GPR157: variants seen among roughly 807,000 people sequenced by gnomAD.
GPR157 encodes the protein G-protein coupled receptor 157.
Under a neutral mutation model 23.5 loss-of-function variants are expected in GPR157, and 16 were observed. The ratio of observed to expected loss-of-function variants is 0.68; its 90% confidence interval spans 0.46 to 1.04. The LOEUF (loss-of-function observed/expected upper bound fraction) is 1.04. GPR157 is among the 50% of genes least tolerant of loss of function. The probability of loss-of-function intolerance (pLI) is 0.00; values close to 1 mark genes in which losing one functional copy is unlikely to be tolerated. For synonymous variants in GPR157, 200 were observed against 221.5 expected, an observed-to-expected ratio of 0.90 and a Z score of 0.86; for missense variants, 440 against 460.7, an observed-to-expected ratio of 0.96 and a Z score of 0.41.
Position 9,102,938 on chromosome 1 carries a change from G to A in GPR157, c.*1481C>T, listed in dbSNP as rs1288396268. Reference sequence around the variant, plus strand: ...TTTGTTTTTTTCTTTTTTTGAGACAGGGTCCTGCTGTTGCCCAGGCTGGAG... The same window carrying A: ...TTTGTTTTTTTCTTTTTTTGAGACAAGGTCCTGCTGTTGCCCAGGCTGGAG... On this transcript the variant is annotated 3_prime_UTR_variant, in exon 4 of 4. Coordinates refer to ENST00000377411, the MANE Select transcript of GPR157 (RefSeq NM_024980.5). 2 of 151,816 alleles carry A rather than the reference G, an allele frequency of 1.3e-5. No individual in the cohort carries two copies. Among genetic ancestry groups the A allele is most frequent in the African/African-American group, 4.8e-5 (2 of 41,316 alleles). 9.4% of individuals were successfully genotyped at this position (151,816 alleles called of 1,614,324 possible).
intron 2 of GPR157, among the ~76,000 whole-genome samples, chr1:9,109,006 G>A (rs1042321769): frequency 1.3e-5 from 2 of 151,026 alleles, no homozygotes; most frequent in Admixed American, 1.3e-4. Context: ...TCGATCTCCC[G>A]ACCTCGTGAT....
rs1027287270 is a variant in GPR157 at position 9,105,253 on chromosome 1, T to A, written c.792+233A>T. Among the ~76,000 whole-genome samples the A allele has an allele frequency of 6.6e-6, 1 of 152,008 alleles. No homozygotes were observed. The highest frequency in any genetic ancestry group is 1.5e-5 in the Non-Finnish European group (1 of 67,980). On this transcript the variant is annotated intron_variant, in intron 3 of 3. Transcript: ENST00000377411. This position sits in a 1 kb window ranked among gnomAD's most constrained non-coding sequence, Gnocchi z 4.8. ...GATCAGTCAACTCTCCTAGGGCTAC[T>A]CCTAGGTCACTGGTGAGCACCTCAC... is the stretch of plus-strand genomic sequence containing the variant.
At chr1:9,107,929 A>C (rs898664739) in intron 2 of GPR157, among the ~76,000 whole-genome samples, 1 of 152,104 alleles carries the variant, frequency 6.6e-6, no homozygotes, top group Admixed American at 6.5e-5. Context: ...TCTGCCTTAA[A>C]AACAAAAACA....
rs142306389 is a variant in GPR157, at chr1:9,104,506, C to T, written c.921G>A (p.Pro307=). Residue 307 remains proline, a synonymous_variant, in exon 4 of 4, where the codon CCG becomes CCA. Coordinates refer to ENST00000377411, the MANE Select transcript of GPR157 (RefSeq NM_024980.5). The part of the protein sequence containing the change: ...CCSSQPPTKS[P]AGTPKAPAPS... ...GCGCGGGAGCCTTGGGAGTGCCAGC[C>T]GGGCTCTTGGTGGGAGGCTGAGAAG... 6.0e-4 allele frequency: 972 copies of T among 1,613,756 alleles called. 2 individuals are homozygous for T. In the African/African-American group the frequency reaches 0.011, roughly 17 times the overall value.
At position 9,129,043 on chromosome 1, in the gene GPR157, GAGCCGGAGCGCCGCGAGGACAGA is replaced by G; in HGVS notation, c.-39_-17del. ...ACGGCTGCATGGCGTGGGGGGCCAG[GAGCCGGAGCGCCGCGAGGACAGA>G]AGCCGGGCCGCGCGTGCGGCCACGC... is the stretch of plus-strand genomic sequence containing the variant. On this transcript the variant is annotated 5_prime_UTR_variant, in exon 1 of 4. Transcript: ENST00000377411. The G allele has an allele frequency of 8.0e-7, 1 of 1,251,366 alleles. No individual in the cohort carries two copies. The highest frequency in any genetic ancestry group is 1.0e-6 in the Non-Finnish European group (1 of 1,000,230). 77.5% of individuals were successfully genotyped at this position (1,251,366 alleles called of 1,614,324 possible).
rs751081017 is a variant in GPR157 at position 9,111,354 on chromosome 1, C to T, written c.519G>A (p.Thr173=). The part of the protein sequence containing the change: ...AKDHVLWMLL[T]GKLWEMLAYV... Reference sequence around the variant, plus strand: ...ATGCCAGCATCTCCCACAGCTTCCCCGTCAGCAGCATCCACAGGACATGGT... The same window carrying T: ...ATGCCAGCATCTCCCACAGCTTCCCTGTCAGCAGCATCCACAGGACATGGT... Residue 173 remains threonine, a synonymous_variant, in exon 2 of 4, where the codon ACG becomes ACA. Coordinates refer to ENST00000377411, the MANE Select transcript of GPR157 (RefSeq NM_024980.5). 73 of 1,614,086 alleles carry T rather than the reference C, an allele frequency of 4.5e-5. No homozygotes were observed. The highest frequency in any genetic ancestry group is 4.0e-4 in the African/African-American group (30 of 74,920).
In GPR157 at chr1:9,128,657, A is replaced by C; in HGVS notation, c.371T>G (p.Phe124Cys). ...CACCGCCACCCACCTGACGACATGG[A>C]AGGCCCAAAGCAGGCGATCTGTGCG... is the stretch of plus-strand genomic sequence containing the variant. Reference protein sequence around the residue: ...GPRTDRLLWAFHVVSWGVPLV... With the variant: ...GPRTDRLLWACHVVSWGVPLV... Residue 124 changes from phenylalanine (F) to cysteine (C), a missense_variant, in exon 1 of 4, where the codon TTC (phenylalanine) becomes TGC (cysteine). By Grantham distance (205) the Phe-to-Cys change is radical (BLOSUM62 -2). Coordinates refer to ENST00000377411, the MANE Select transcript of GPR157 (RefSeq NM_024980.5). The surrounding 1 kb of genome is among the most constrained non-coding windows in gnomAD (Gnocchi z 6.3). 6.2e-7 allele frequency: 1 copy of C among 1,612,982 alleles called. No homozygotes were observed. The highest frequency in any genetic ancestry group is 8.5e-7 in the Non-Finnish European group (1 of 1,179,868).
Position 9,120,603 on chromosome 1 carries a change from AGGGAG to A in GPR157, c.383+8037_383+8041del, listed in dbSNP as rs1638778386. On this transcript the variant is annotated intron_variant, in intron 1 of 3. Coordinates refer to ENST00000377411, the MANE Select transcript of GPR157 (RefSeq NM_024980.5). This position sits in a 1 kb window ranked among gnomAD's most constrained non-coding sequence, Gnocchi z 4.1. ...AAGGGTCAGGACTTGGGAGAAGTTC[AGGGAG>A]TCAGCCCCTAGGCCAGGCTACCACG... Among the ~76,000 whole-genome samples the A allele has an allele frequency of 6.6e-6, 1 of 152,182 alleles. No homozygotes were observed. Among genetic ancestry groups the A allele is most frequent in the Admixed American group, 6.5e-5 (1 of 15,274 alleles).
rs1354003156 is a variant in GPR157, at chr1:9,128,588, C to T, written c.383+57G>A. 4.5e-6 allele frequency: 7 copies of T among 1,544,934 alleles called. No individual in the cohort carries two copies. The highest frequency in any genetic ancestry group is 6.2e-6 in the Non-Finnish European group (7 of 1,124,668). On this transcript the variant is annotated intron_variant, in intron 1 of 3. Transcript: ENST00000377411. The surrounding 1 kb of genome is among the most constrained non-coding windows in gnomAD (Gnocchi z 6.3). ...GACGCGGCCTCTGGGAGGGCAAGAC[C>T]GGGAGGGGTCGGCCTGTGTCGGGGG...
In GPR157 at chr1:9,104,708, A is replaced by C; in HGVS notation, c.793-74T>G. ...AAACACACGCGCTGTTGCAATTAAGAGAAACGGCTAGGCTGGGTGCGGTGG... is the reference window on the plus strand; with the variant it reads ...AAACACACGCGCTGTTGCAATTAAGCGAAACGGCTAGGCTGGGTGCGGTGG... On this transcript the variant is annotated intron_variant, in intron 3 of 3. Coordinates refer to ENST00000377411, the MANE Select transcript of GPR157 (RefSeq NM_024980.5). The C allele has an allele frequency of 7.0e-6, 8 of 1,134,760 alleles. 1 individual carries two copies. Among genetic ancestry groups the C allele is most frequent in the South Asian group, 5.9e-5 (4 of 68,210 alleles). 70.3% of individuals were successfully genotyped at this position (1,134,760 alleles called of 1,614,324 possible).
At chr1:9,111,057 G>T (rs932802815) in intron 2 of GPR157, 1 of 607,626 alleles carries the variant, frequency 1.6e-6, no homozygotes, top group South Asian at 1.8e-5. Context: ...AACAGGACCC[G>T]GCTCCTAACG....
chr1:9,123,318 AAAAT>A (rs1557700801), intron 1 of GPR157, among the ~76,000 whole-genome samples: 11 of 23,822 alleles, frequency 4.6e-4, no homozygotes, highest in East Asian at 2.6e-3. Context: ...AATATATATT[AAAAT>A]ATATATATTT....
At position 9,128,540 on chromosome 1, in the gene GPR157, G is replaced by A. The variant is rs1639014947; in HGVS notation, c.383+105C>T. On this transcript the variant is annotated intron_variant, in intron 1 of 3. Transcript: ENST00000377411. The surrounding 1 kb of genome is among the most constrained non-coding windows in gnomAD (Gnocchi z 6.3). ...GGGGCGCCAGCAGGCACTGCTTGCT[G>A]TGGGTAGGGGGTGTCCAACCTAGAC... 4 of 1,090,310 alleles carry A rather than the reference G, an allele frequency of 3.7e-6. No individual in the cohort carries two copies. Among genetic ancestry groups the A allele is most frequent in the Non-Finnish European group, 5.4e-6 (4 of 738,514 alleles). The allele number at this position is 1,090,310 out of a possible 1,614,324, so 67.5% of individuals were successfully genotyped here.
chr1:9,123,480 T>A (rs1295876267), intron 1 of GPR157, among the ~76,000 whole-genome samples: 3 of 114,722 alleles, frequency 2.6e-5, no homozygotes, highest in African/African-American at 1.1e-4. Flanking sequence ...AAATATATAT[T>A]TTAAAAATAT....
At chr1:9,111,530 T>C in intron 1 of GPR157, 41 bp from the exon 2 acceptor site, 3 of 1,551,362 alleles carry the variant, frequency 1.9e-6, no homozygotes, top group East Asian at 2.3e-5. Flanking sequence ...GGTCAGGCCA[T>C]GGCTCCCGGC....
At chr1:9,108,892 T>C (rs1298965703) in intron 2 of GPR157, among the ~76,000 whole-genome samples, 6 of 151,834 alleles carry the variant, frequency 4.0e-5, no homozygotes, top group Non-Finnish European at 8.8e-5. Flanking sequence ...TTCACACCAT[T>C]CTCCTACCTC....
At chr1:9,108,789 C>T (rs919635348) in intron 2 of GPR157, among the ~76,000 whole-genome samples, 2 of 94,444 alleles carry the variant, frequency 2.1e-5, no homozygotes, top group African/African-American at 1.1e-4. Context: ...ACCAGCACAC[C>T]AGCTAATTTT....
At position 9,105,005 on chromosome 1, in the gene GPR157, C is replaced by A. The variant is rs914370749; in HGVS notation, c.793-371G>T. Among the ~76,000 whole-genome samples, 75 of 140,674 alleles carry A rather than the reference C, an allele frequency of 5.3e-4. 1 individual carries two copies. The highest frequency in any genetic ancestry group is 2.0e-3 in the African/African-American group (71 of 35,676). 92.3% of individuals were successfully genotyped at this position (140,674 alleles called of 152,430 possible). ...ACAAAGCCAGACTCTGTCCCCGCAC[C>A]CCCCCCCAAAAAAGAGAAATGGCTG... On this transcript the variant is annotated intron_variant, in intron 3 of 3. Coordinates refer to ENST00000377411, the MANE Select transcript of GPR157 (RefSeq NM_024980.5). The surrounding 1 kb of genome is among the most constrained non-coding windows in gnomAD (Gnocchi z 4.8).
At chr1:9,110,078 C>A (rs1332205282) in intron 2 of GPR157, among the ~76,000 whole-genome samples, 1 of 152,202 alleles carries the variant, frequency 6.6e-6, no homozygotes, top group Non-Finnish European at 1.5e-5. Flanking sequence ...CTGGACCTAT[C>A]TTACTGCCCC....
Sources: allele counts gnomAD v4.1 joint callset (sites outside exome capture counted in the v4.1 genomes callset), GRCh38; gene constraint gnomAD v4.1.1; non-coding constraint Gnocchi (gnomAD v3.1); transcripts MANE v1.5; gene names NCBI Gene and HGNC (gene_info 2026-07-23, HGNC 2026-07-21).